The following SEMA3A variants were observed in gnomAD, a reference collection of about 807,000 sequenced individuals.
SEMA3A encodes the protein semaphorin-3A.
Under a neutral mutation model 97.9 loss-of-function variants are expected in SEMA3A, and 29 were observed. That is an observed-to-expected ratio of 0.30 (90% confidence interval 0.22 to 0.40). SEMA3A has a LOEUF of 0.40. Among genes scored for constraint, SEMA3A ranks in the 10% least tolerant of loss-of-function variants. The pLI is 1.00. For synonymous variants in SEMA3A, 321 were observed against 323.7 expected (o/e 0.99, Z 0.09); for missense variants, 763 against 951.3 (o/e 0.80, Z 2.60).
intron 4 of SEMA3A, among the ~76,000 whole-genome samples, chr7:84,070,468 G>A (rs1197305748): frequency 6.6e-6 from 1 of 152,060 alleles, no homozygotes; most frequent in Non-Finnish European, 1.5e-5. Context: ...AGGTAACAAA[G>A]TTGTAATTTT....
intron 6 of SEMA3A, among the ~76,000 whole-genome samples, chr7:84,027,355 T>C (rs912682720): frequency 1.3e-5 from 2 of 152,174 alleles, no homozygotes; most frequent in Non-Finnish European, 1.5e-5. Context: ...TTCAAGACCA[T>C]TTTCAAATAT....
chr7:84,322,097 G>T (rs1347031140), intron 2 of SEMA3A, among the ~76,000 whole-genome samples: 1 of 151,368 alleles, frequency 6.6e-6, no homozygotes, highest in African/African-American at 2.4e-5. Flanking sequence ...AAAACCATCA[G>T]ATCTCATGAG....
chr7:84,240,731 T>A (rs1799339937), intron 3 of SEMA3A, among the ~76,000 whole-genome samples: 1 of 152,102 alleles, frequency 6.6e-6, no homozygotes, highest in Non-Finnish European at 1.5e-5. Flanking sequence ...ACATTAGGTG[T>A]TTCTCCTAAT....
intron 6 of SEMA3A, among the ~76,000 whole-genome samples, chr7:84,035,082 T>C (rs2116473624): frequency 1.3e-5 from 2 of 152,176 alleles, no homozygotes; most frequent in Middle Eastern, 6.9e-3. Flanking sequence ...TTTTCTATAA[T>C]TAGATATTAA....
chr7:84,255,661 G>A (rs1799701857), intron 3 of SEMA3A, among the ~76,000 whole-genome samples: 1 of 151,996 alleles, frequency 6.6e-6, no homozygotes, highest in South Asian at 2.1e-4. Context: ...GATTGCAAAA[G>A]TCTTATGGTT....
intron 3 of SEMA3A, among the ~76,000 whole-genome samples, chr7:84,203,451 A>G (rs1201944496): frequency 1.4e-5 from 2 of 144,706 alleles, no homozygotes; most frequent in Non-Finnish European, 3.0e-5. Flanking sequence ...TATTATGTTC[A>G]GAAATCTCCT....
At chr7:83,990,927 G>A (rs1005705352) in intron 12 of SEMA3A, among the ~76,000 whole-genome samples, 7 of 152,152 alleles carry the variant, frequency 4.6e-5, no homozygotes, top group Non-Finnish European at 1.0e-4. Flanking sequence ...CCATTTTCAC[G>A]ATATTGATTC....
chr7:84,214,893 G>T (rs530601352), intron 3 of SEMA3A, among the ~76,000 whole-genome samples: 1 of 151,328 alleles, frequency 6.6e-6, no homozygotes, highest in East Asian at 2.0e-4. Flanking sequence ...TAGAGATGGG[G>T]TTTCACCATA....
intron 3 of SEMA3A, among the ~76,000 whole-genome samples, chr7:84,216,548 A>C (rs925360674): frequency 1.3e-5 from 2 of 152,160 alleles, no homozygotes; most frequent in Admixed American, 6.5e-5. Context: ...TTTTAGATAG[A>C]TTAAAACAGC....
At chr7:84,356,139 T>A (rs1444933949) in intron 2 of SEMA3A, among the ~76,000 whole-genome samples, 1 of 151,962 alleles carries the variant, frequency 6.6e-6, no homozygotes, top group Non-Finnish European at 1.5e-5. Flanking sequence ...ATTGTTTTCC[T>A]TCTGAAAATT....
intron 6 of SEMA3A, among the ~76,000 whole-genome samples, chr7:84,017,295 C>T (rs914394526): frequency 5.3e-5 from 8 of 152,212 alleles, no homozygotes; most frequent in African/African-American, 1.9e-4. Context: ...GGAAATAACT[C>T]AATCAAATTA....
At chr7:84,331,910 T>C (rs959378168) in intron 2 of SEMA3A, among the ~76,000 whole-genome samples, 1 of 152,044 alleles carries the variant, frequency 6.6e-6, no homozygotes, top group African/African-American at 2.4e-5. Context: ...CCACTGGCAA[T>C]GAGGTATTTC....
intron 11 of SEMA3A, among the ~76,000 whole-genome samples, chr7:84,004,218 T>TAAGA (rs1790571642): frequency 6.6e-6 from 1 of 152,082 alleles, no homozygotes; most frequent in South Asian, 2.1e-4. Flanking sequence ...AAGTATCAGA[T>TAAGA]TTGTAACCGG....
At chr7:84,124,982 C>A (rs1032664811) in intron 3 of SEMA3A, among the ~76,000 whole-genome samples, 2 of 151,618 alleles carry the variant, frequency 1.3e-5, no homozygotes, top group African/African-American at 4.8e-5. Context: ...GGGTTATCAG[C>A]AAAATAGTAT....
At chr7:84,127,210 C>T (rs989977538) in intron 3 of SEMA3A, among the ~76,000 whole-genome samples, 2 of 151,928 alleles carry the variant, frequency 1.3e-5, no homozygotes, top group African/African-American at 2.4e-5. Flanking sequence ...CACAAGAATC[C>T]TGTTGAGTCA....
At chr7:84,443,808 T>G (rs549023133) in intron 1 of SEMA3A, among the ~76,000 whole-genome samples, 1 of 152,116 alleles carries the variant, frequency 6.6e-6, no homozygotes, top group Admixed American at 6.5e-5. Context: ...TACCATGATC[T>G]TTGCTCTAGA....
At chr7:84,151,909 G>C (rs1412830047) in intron 1 of SEMA3A, among the ~76,000 whole-genome samples, 5 of 152,086 alleles carry the variant, frequency 3.3e-5, no homozygotes, top group African/African-American at 1.2e-4. Flanking sequence ...CTCAAAAGGA[G>C]ACATTTATGC....
rs1216418661 is a variant in SEMA3A at position 83,957,794 on chromosome 7, A to C, written c.*3577T>G. 6.6e-6 allele frequency: 1 copy of C among 152,126 alleles called. No individual in the cohort carries two copies. Among genetic ancestry groups the C allele is most frequent in the Non-Finnish European group, 1.5e-5 (1 of 67,998 alleles). The allele number at this position is 152,126 out of a possible 1,614,324, so 9.4% of individuals were successfully genotyped here. A position where few individuals can be genotyped will look rare whatever the true frequency, so the allele number is the denominator to read the frequency against. ...AACATTGACTTCAAATAATTATTAC[A>C]AATCAAGTTAAAAGTATAGATGTCC... On this transcript the variant is annotated 3_prime_UTR_variant, in exon 17 of 17. Transcript: ENST00000265362.
At chr7:84,061,774 T>A (rs1180187932) in intron 4 of SEMA3A, among the ~76,000 whole-genome samples, 1 of 152,220 alleles carries the variant, frequency 6.6e-6, no homozygotes, top group Non-Finnish European at 1.5e-5. Context: ...CCAAGTGTTC[T>A]GTTTTTACTA....
Sources: gnomAD v4.1 joint callset for allele counts (sites outside exome capture counted in the v4.1 genomes callset) on GRCh38, gnomAD v4.1.1 for gene constraint, MANE v1.5 for transcripts, NCBI Gene and HGNC (gene_info 2026-07-23, HGNC 2026-07-21) for gene names.